CAMKMT: variants seen among roughly 807,000 people sequenced by gnomAD.
The protein encoded by CAMKMT is calmodulin-lysine N-methyltransferase, also known as CaM KMT.
CAMKMT carries 53 observed loss-of-function variants against 48.0 expected under a neutral mutation model. The ratio of observed to expected loss-of-function variants is 1.10; its 90% CI spans 0.89 to 1.39. CAMKMT has a LOEUF of 1.39. Ranked by LOEUF, CAMKMT falls within the 40% of genes most tolerant of loss-of-function variation. The probability of loss-of-function intolerance (pLI) is 0.00; values close to 1 mark genes in which losing one functional copy is unlikely to be tolerated. For missense variants in CAMKMT, 428 were observed against 402.7 expected (o/e 1.06, Z -0.54); for synonymous variants, 165 against 152.3 (o/e 1.08, Z -0.61).
At chr2:44,666,336 C>CTAAA (rs2104104123) in intron 3 of CAMKMT, among the ~76,000 whole-genome samples, 1 of 152,254 alleles carries the variant, frequency 6.6e-6, no homozygotes, top group African/African-American at 2.4e-5. Context: ...TGAAACATAA[C>CTAAA]TAAATTCTGC....
At chr2:44,434,067 T>C (rs1430786946) in intron 3 of CAMKMT, among the ~76,000 whole-genome samples, 1 of 152,190 alleles carries the variant, frequency 6.6e-6, no homozygotes, top group East Asian at 1.9e-4. Context: ...AACTGAATAG[T>C]CCTCCTTTGT....
In CAMKMT at chr2:44,456,450, G is replaced by C. The variant is rs1324587241; in HGVS notation, c.376+66145G>C. On this transcript the variant is annotated intron_variant, in intron 3 of 10. Coordinates refer to ENST00000378494, the MANE Select transcript of CAMKMT (RefSeq NM_024766.5). ...TAGCCCTCTTACCCTCTATTTCTCA[G>C]AATTATTATATAAATATGTACATTC... The C allele has an allele frequency of 2.3e-6, 3 of 1,308,588 alleles. No individual in the cohort carries two copies. In the African/African-American group the frequency reaches 4.5e-5, roughly 20 times the overall value. The allele number at this position is 1,308,588 out of a possible 1,614,324, so 81.1% of individuals were successfully genotyped here.
chr2:44,392,972 A>G (rs1167613665), intron 3 of CAMKMT, among the ~76,000 whole-genome samples: 1 of 152,154 alleles, frequency 6.6e-6, no homozygotes, highest in Non-Finnish European at 1.5e-5. Context: ...AATGCTTCCT[A>G]GTAATAGAAA....
At chr2:44,445,677 T>G (rs868489844) in intron 3 of CAMKMT, among the ~76,000 whole-genome samples, 60 of 113,002 alleles carry the variant, frequency 5.3e-4, no homozygotes, top group African/African-American at 1.2e-3. Flanking sequence ...TTTTTTTTTT[T>G]TTTTTTTTTT....
chr2:44,772,018 T>G lies in CAMKMT; in HGVS notation c.895-18T>G. The G allele has an allele frequency of 6.3e-7, 1 of 1,582,202 alleles. No homozygotes were observed. The highest frequency in any genetic ancestry group is 1.3e-5 in the African/African-American group (1 of 74,170). On this transcript the variant is annotated intron_variant, in intron 10 of 10. Transcript: ENST00000378494. Reference sequence around the variant, plus strand: ...AATTGGAGTCCCCTTACCTTTTTCTTTCTATTATTGTTTTCAGTTGAAAAA... The same window carrying G: ...AATTGGAGTCCCCTTACCTTTTTCTGTCTATTATTGTTTTCAGTTGAAAAA...
chr2:44,519,933 C>T (rs560393849), intron 3 of CAMKMT, among the ~76,000 whole-genome samples: 22 of 151,846 alleles, frequency 1.4e-4, no homozygotes, highest in Admixed American at 6.6e-5. Flanking sequence ...TTGAGATGGC[C>T]GGGCGCGGTG....
rs961598670 is a variant in CAMKMT, at chr2:44,620,911, A to G, written c.377-83372A>G. ...TCTCATCTGTAAAATTATAGTTATT[A>G]CAGTTCTTGTCTTTAGGATTGCTAA... On this transcript the variant is annotated intron_variant, in intron 3 of 10. Coordinates refer to ENST00000378494, the MANE Select transcript of CAMKMT (RefSeq NM_024766.5). 2.0e-5 allele frequency among the ~76,000 whole-genome samples: 3 copies of G among 152,210 alleles called. No homozygotes were observed. In the East Asian group the frequency reaches 5.8e-4, roughly 29 times the overall value.
chr2:44,489,610 A>G (rs887838670), intron 3 of CAMKMT, among the ~76,000 whole-genome samples: 1 of 152,178 alleles, frequency 6.6e-6, no homozygotes, highest in African/African-American at 2.4e-5. Context: ...GTATAATAGT[A>G]TATTGCAATA....
intron 3 of CAMKMT, among the ~76,000 whole-genome samples, chr2:44,439,564 C>T (rs868455154): frequency 8.5e-5 from 13 of 152,100 alleles, no homozygotes; most frequent in South Asian, 8.3e-4. Flanking sequence ...ATGGGCCGGG[C>T]GCAGTGGCTC....
chr2:44,652,650 G>C (rs910828434), intron 3 of CAMKMT, among the ~76,000 whole-genome samples: 1 of 152,182 alleles, frequency 6.6e-6, no homozygotes, highest in African/African-American at 2.4e-5. Context: ...CGTGCGTACA[G>C]ACACACACTC....
chr2:44,417,118 G>A (rs1067386), intron 3 of CAMKMT, among the ~76,000 whole-genome samples: 2 of 151,828 alleles, frequency 1.3e-5, no homozygotes, highest in South Asian at 2.1e-4. Context: ...TTTTATTCCC[G>A]AGTAGTATTG....
intron 3 of CAMKMT, among the ~76,000 whole-genome samples, chr2:44,669,482 C>T (rs983547692): frequency 2.0e-5 from 3 of 152,140 alleles, no homozygotes; most frequent in African/African-American, 7.2e-5. Context: ...TTGATGTTAC[C>T]TAATTATCCT....
intron 3 of CAMKMT, among the ~76,000 whole-genome samples, chr2:44,450,112 C>T (rs1010759199): frequency 6.6e-6 from 1 of 152,100 alleles, no homozygotes; most frequent in Non-Finnish European, 1.5e-5. Flanking sequence ...GATGCTTTTA[C>T]TGAGCAGTGG....
intron 3 of CAMKMT, among the ~76,000 whole-genome samples, chr2:44,506,645 C>T (rs568387746): frequency 1.1e-4 from 17 of 152,024 alleles, no homozygotes; most frequent in Non-Finnish European, 1.5e-4. Flanking sequence ...ACTGGTAAAC[C>T]CAGATTTTTA....
At chr2:44,733,555 TATG>T (rs1375670798) in intron 7 of CAMKMT, among the ~76,000 whole-genome samples, 8 of 152,198 alleles carry the variant, frequency 5.3e-5, no homozygotes, top group Non-Finnish European at 1.2e-4. Context: ...CACCATTAAG[TATG>T]ATGTTAACTA....
intron 3 of CAMKMT, among the ~76,000 whole-genome samples, chr2:44,466,737 A>G (rs2104636666): frequency 1.3e-5 from 2 of 152,342 alleles, no homozygotes; most frequent in South Asian, 4.1e-4. Flanking sequence ...CTTTTAGAAA[A>G]TATCAACAAA....
intron 3 of CAMKMT, among the ~76,000 whole-genome samples, chr2:44,561,903 C>T (rs139291143): frequency 3.5e-4 from 54 of 152,152 alleles, no homozygotes; most frequent in African/African-American, 1.3e-3. Flanking sequence ...AATCACTAGG[C>T]GATGGCCAGG....
chr2:44,751,271 C>T (rs1017143027), intron 8 of CAMKMT, among the ~76,000 whole-genome samples: 24 of 152,124 alleles, frequency 1.6e-4, no homozygotes, highest in Non-Finnish European at 3.1e-4. Flanking sequence ...TGCTCTCTTC[C>T]GTACATTATT....
chr2:44,438,161 T>C (rs985580127), intron 3 of CAMKMT, among the ~76,000 whole-genome samples: 3 of 152,134 alleles, frequency 2.0e-5, no homozygotes, highest in Admixed American at 2.0e-4. Context: ...GCTAGTAAAA[T>C]GGGGAGCTGG....
Sources: allele counts gnomAD v4.1 joint callset (sites outside exome capture counted in the v4.1 genomes callset), GRCh38; gene constraint gnomAD v4.1.1; transcripts MANE v1.5; gene names NCBI Gene and HGNC (gene_info 2026-07-23, HGNC 2026-07-21).